The following FAM149A variants were observed in gnomAD, a reference collection of about 807,000 sequenced individuals.
The protein encoded by FAM149A is protein FAM149A.
In FAM149A, 71 loss-of-function variants were observed where a neutral mutation model predicts 78.2. That is an observed-to-expected ratio of 0.91 (90% confidence interval 0.75 to 1.11). The LOEUF (loss-of-function observed/expected upper bound fraction) is 1.11, where lower values mean the gene tolerates loss of function less well. FAM149A is among the 50% of genes least tolerant of loss of function. The pLI, the probability that FAM149A is intolerant of heterozygous loss-of-function variation, is 0.00. For synonymous variants in FAM149A, 446 were observed against 410.5 expected, an observed-to-expected ratio of 1.09 and a Z score of -1.04; for missense variants, 1,036 against 971.0, an observed-to-expected ratio of 1.07 and a Z score of -0.89.
At chr4:186,136,932 A>AT (rs1409964908) in intron 1 of FAM149A, among the ~76,000 whole-genome samples, 6 of 124,552 alleles carry the variant, frequency 4.8e-5, no homozygotes, top group Non-Finnish European at 1.0e-4. Context: ...AAATACACTG[A>AT]TTGATCTCTC....
chr4:186,125,515 A>ATTGTAGCTC (rs1291233858), intron 1 of FAM149A, among the ~76,000 whole-genome samples: 1 of 152,156 alleles, frequency 6.6e-6, no homozygotes, highest in Non-Finnish European at 1.5e-5. Context: ...AATCAGTGAC[A>ATTGTAGCTC]TGGTACAGGG....
chr4:186,107,046 G>T (rs1033788925), intron 1 of FAM149A, among the ~76,000 whole-genome samples: 1 of 152,212 alleles, frequency 6.6e-6, no homozygotes, highest in Non-Finnish European at 1.5e-5. Flanking sequence ...TTTATCAACT[G>T]ATAGTTTTCC....
At position 186,171,967 on chromosome 4, in the gene FAM149A, A is replaced by C; in HGVS notation, c.2272A>C (p.Arg758=). 6.2e-7 allele frequency: 1 copy of C among 1,612,678 alleles called. No individual in the cohort carries two copies. The change falls in exon 14 of 14, where the codon AGA becomes CGA. Residue 758 remains arginine (R), a synonymous_variant. Transcript: ENST00000389354. ...GAGGACAACTTTGACTTTCAAGAGG[A>C]GATTCCAAGTGACATCTTGAAACCA...
At chr4:186,126,497 G>T (rs1195076796) in intron 1 of FAM149A, among the ~76,000 whole-genome samples, 2 of 152,148 alleles carry the variant, frequency 1.3e-5, no homozygotes, top group Admixed American at 6.5e-5. Context: ...CCCTTAAGGG[G>T]CCAAATAGAA....
At position 186,171,989 on chromosome 4, in the gene FAM149A, A is replaced by G; in HGVS notation, c.*2A>G. 6.2e-7 allele frequency: 1 copy of G among 1,610,700 alleles called. No homozygotes were observed. Among genetic ancestry groups the G allele is most frequent in the South Asian group, 1.1e-5 (1 of 90,406 alleles). ...AGGAGATTCCAAGTGACATCTTGAA[A>G]CCACCTCACCAGAACCATTGGAGCA... is the stretch of plus-strand genomic sequence containing the variant. On this transcript the variant is annotated 3_prime_UTR_variant, in exon 14 of 14. Transcript: ENST00000389354.
chr4:186,150,472 T>G (rs1480552088), intron 3 of FAM149A, among the ~76,000 whole-genome samples: 6 of 122,602 alleles, frequency 4.9e-5, no homozygotes, highest in African/African-American at 1.2e-4. Flanking sequence ...CAGGCTGGAG[T>G]GCAGGGGCGC....
intron 1 of FAM149A, chr4:186,125,674 T>G (rs1055036724): frequency 2.0e-6 from 2 of 982,506 alleles, no homozygotes; most frequent in Non-Finnish European, 2.4e-6. Flanking sequence ...AGCGCTTGGC[T>G]GAAATATGGG....
intron 1 of FAM149A, among the ~76,000 whole-genome samples, chr4:186,120,516 G>A (rs369796073): frequency 4.6e-5 from 7 of 152,060 alleles, no homozygotes; most frequent in South Asian, 2.1e-4. Context: ...TAGTAAGACC[G>A]GGCGCGGTGG....
chr4:186,158,409 G>C, intron 8 of FAM149A: 2 of 1,183,230 alleles, frequency 1.7e-6, no homozygotes, highest in Non-Finnish European at 2.1e-6. Context: ...AGGGGTGGCT[G>C]CTGGCTCAGG....
chr4:186,130,197 A>G (rs2099319977), intron 1 of FAM149A: 1 of 151,426 alleles, frequency 6.6e-6, no homozygotes, highest in South Asian at 2.1e-4. Context: ...CAACCCAGAC[A>G]TAAACTTGTA....
In FAM149A at chr4:186,162,894, C is replaced by G. The variant is rs1386638629; in HGVS notation, c.1625C>G (p.Thr542Arg). The G allele has an allele frequency of 6.4e-7, 1 of 1,554,196 alleles. No individual in the cohort carries two copies. The highest frequency in any genetic ancestry group is 8.7e-7 in the Non-Finnish European group (1 of 1,147,344). Reference sequence around the variant, plus strand: ...TATAGTGACATGAATGGTGTCATGACAATTCAAGCAAAACCGCTTCAGCGG... The same window carrying G: ...TATAGTGACATGAATGGTGTCATGAGAATTCAAGCAAAACCGCTTCAGCGG... Residue 542 changes from threonine to arginine, a missense_variant, in exon 9 of 14, where the codon ACA (threonine) becomes AGA (arginine). By Grantham distance (71) the Thr-to-Arg change is moderately conservative. Around this residue, in one of 3 missense-constraint regions of FAM149A, gnomAD observed 716 missense variants for 711.8 expected, o/e 1.01. Transcript: ENST00000389354.
intron 1 of FAM149A, among the ~76,000 whole-genome samples, chr4:186,111,296 T>C (rs1480373963): frequency 6.6e-6 from 1 of 152,260 alleles, no homozygotes; most frequent in East Asian, 1.9e-4. Context: ...CGGATGTTAG[T>C]CCTTTGTCAG....
In FAM149A at chr4:186,167,059, A is replaced by C; in HGVS notation, c.2102A>C (p.Glu701Ala). The change falls in exon 12 of 14, where the codon GAA (glutamate) becomes GCA (alanine). Residue 701 changes from glutamate to alanine, a missense_variant. Around this residue, in one of 3 missense-constraint regions of FAM149A, gnomAD observed 716 missense variants for 711.8 expected, o/e 1.01. Transcript: ENST00000389354. ...CTTCGAGAAAGAACAGCCACCCTGG[A>C]ACGGTTGTCAAGGCCCAGCACAACC... is the stretch of plus-strand genomic sequence containing the variant. 6.2e-7 allele frequency: 1 copy of C among 1,614,184 alleles called. No individual in the cohort carries two copies. The highest frequency in any genetic ancestry group is 8.5e-7 in the Non-Finnish European group (1 of 1,180,030).
intron 1 of FAM149A, among the ~76,000 whole-genome samples, chr4:186,122,470 A>G (rs2099316490): frequency 1.3e-5 from 2 of 152,216 alleles, no homozygotes; most frequent in African/African-American, 2.4e-5. Context: ...ATTATGTAGG[A>G]GAACATCCTT....
At chr4:186,110,703 G>A (rs1242229966) in intron 1 of FAM149A, among the ~76,000 whole-genome samples, 2 of 134,548 alleles carry the variant, frequency 1.5e-5, no homozygotes, top group East Asian at 4.3e-4. Flanking sequence ...TTTCATCCAT[G>A]TCCCTACAAA....
chr4:186,118,426 T>C (rs1424323965), intron 1 of FAM149A: 1 of 156,484 alleles, frequency 6.4e-6, no homozygotes, highest in Non-Finnish European at 1.4e-5. Flanking sequence ...AGGAGCTTTA[T>C]GTCTGTTGAC....
chr4:186,167,055 C>G lies in FAM149A; in HGVS notation c.2098C>G (p.Leu700Val). The G allele has an allele frequency of 6.2e-7, 1 of 1,614,168 alleles. No homozygotes were observed. ...GCGTCTTCGAGAAAGAACAGCCACC[C>G]TGGAACGGTTGTCAAGGCCCAGCAC... Residue 700 changes from leucine (L) to valine (V), a missense_variant, in exon 12 of 14, where the codon CTG (leucine) becomes GTG (valine). Around this residue, in one of 3 missense-constraint regions of FAM149A, gnomAD observed 716 missense variants for 711.8 expected, o/e 1.01. Transcript: ENST00000389354.
intron 4 of FAM149A, among the ~76,000 whole-genome samples, chr4:186,152,606 G>A (rs1161754300): frequency 5.7e-5 from 8 of 141,566 alleles, no homozygotes; most frequent in South Asian, 2.3e-4. Flanking sequence ...GTGCAGTGGC[G>A]CGATCTCAGC....
chr4:186,169,690 A>G, intron 13 of FAM149A: 1 of 985,318 alleles, frequency 1.0e-6, no homozygotes, highest in Non-Finnish European at 1.2e-6. Context: ...TGCTTTCTGG[A>G]AGAGGAGGTG....
Sources: gnomAD v4.1 joint callset for allele counts (sites outside exome capture counted in the v4.1 genomes callset) on GRCh38, gnomAD v4.1.1 for gene constraint, gnomAD v4.1.1 regional missense constraint, MANE v1.5 for transcripts, NCBI Gene and HGNC (gene_info 2026-07-23, HGNC 2026-07-21) for gene names.